NFYA: variants seen among roughly 807,000 people sequenced by gnomAD.
NFYA encodes nuclear transcription factor Y subunit alpha, also known as CAAT-box DNA binding protein subunit A.
Under a neutral mutation model 52.8 loss-of-function variants are expected in NFYA, and 28 were observed. That is an observed-to-expected ratio of 0.53 (90% CI 0.39 to 0.73). NFYA has a LOEUF of 0.73. NFYA is among the 30% of genes least tolerant of loss of function. The pLI is 0.00. For missense variants in NFYA, 234 were observed against 427.0 expected (o/e 0.55, Z 3.98); for synonymous variants, 150 against 150.7 (o/e 1.00, Z 0.03).
chr6:41,093,085 G>C lies in NFYA; in HGVS notation c.888G>C (p.Arg296Ser). 1 of 1,613,524 alleles carries C rather than the reference G, an allele frequency of 6.2e-7. No homozygotes were observed. Among genetic ancestry groups the C allele is most frequent in the Non-Finnish European group, 8.5e-7 (1 of 1,179,686 alleles). ...EAEGKIPKER[R>S]KYLHESRHRH... ...AAGGGAAAATTCCAAAGGAGAGAAG[G>C]GTATGTATAACATTGGGAAGGATAT... The change falls in exon 8 of 10, where the codon AGG (arginine) becomes AGC (serine). Residue 296 changes from arginine to serine, a missense_variant and splice_region_variant. By Grantham distance (110) the Arg-to-Ser change is moderately radical. Coordinates refer to ENST00000341376, the MANE Select transcript of NFYA (RefSeq NM_002505.5).
Position 41,091,671 on chromosome 6 carries a change from G to A in NFYA, c.691G>A (p.Val231Ile). Reference sequence around the variant, plus strand: ...GACACTACCAGTGGCAGGCAATGTGGTCAATTCAGGAGGGATGGTCATGGT... The same window carrying A: ...GACACTACCAGTGGCAGGCAATGTGATCAATTCAGGAGGGATGGTCATGGT... Reference protein sequence around the residue: ...TVTLPVAGNVVNSGGMVMMVP... With the variant: ...TVTLPVAGNVINSGGMVMMVP... Residue 231 changes from valine to isoleucine, a missense_variant, in exon 7 of 10, where the codon GTC becomes ATC. Coordinates refer to ENST00000341376, the MANE Select transcript of NFYA (RefSeq NM_002505.5). 1.9e-6 allele frequency: 3 copies of A among 1,614,154 alleles called. No homozygotes were observed. Among genetic ancestry groups the A allele is most frequent in the South Asian group, 1.1e-5 (1 of 91,078 alleles).
rs1447329373 is a variant in NFYA at position 41,084,140 on chromosome 6, A to G, written c.257A>G (p.Gln86Arg). Residue 86 changes from glutamine to arginine, a missense_variant, in exon 4 of 10, where the codon CAA becomes CGA. Transcript: ENST00000341376. The stretch of plus-strand genomic sequence containing the variant: ...ATGGTCCAGGCTGTCCCTGGTGGAC[A>G]AGGTCAAACCATCATGCAAGTACCT... ...PIMVQAVPGG[Q>R]GQTIMQVPVS... 3.7e-6 allele frequency: 6 copies of G among 1,614,194 alleles called. No homozygotes were observed. The Admixed American group carries it at 5.0e-5, about 13-fold the overall frequency.
intron 1 of NFYA, among the ~76,000 whole-genome samples, chr6:41,078,761 ATC>A (rs1561850331): frequency 1.3e-5 from 2 of 152,196 alleles, no homozygotes; most frequent in African/African-American, 4.8e-5. Context: ...CTTAACGAGT[ATC>A]TCTTAGGTGC....
intron 1 of NFYA, among the ~76,000 whole-genome samples, chr6:41,076,304 T>C (rs1044845142): frequency 9.8e-5 from 15 of 152,336 alleles, no homozygotes; most frequent in Admixed American, 9.2e-4. Context: ...AGGTAAATGC[T>C]GTTTCATGAA....
At position 41,097,400 on chromosome 6, in the gene NFYA, G is replaced by A. The variant is rs751419248; in HGVS notation, c.1034G>A (p.Arg345Gln). The change falls in exon 10 of 10, where the codon CGA becomes CAA. Residue 345 changes from arginine (R) to glutamine (Q), a missense_variant. Physicochemically the swap from Arg to Gln is conservative, Grantham distance 43. This residue lies in a region of NFYA where 35 missense variants were observed against 34.2 expected (regional missense o/e 1.02). Transcript: ENST00000341376. The stretch of plus-strand genomic sequence containing the variant: ...GAAGAAGCAATGACACAGATCATCC[G>A]AGTGTCCTAACCCCACGCCATGTGA... ...ADEEAMTQII[R>Q]VS 9.9e-6 allele frequency: 16 copies of A among 1,613,804 alleles called. No individual in the cohort carries two copies. The highest frequency in any genetic ancestry group is 1.3e-5 in the Non-Finnish European group (15 of 1,179,880).
chr6:41,097,143 C>T (rs1764380730), intron 9 of NFYA, among the ~76,000 whole-genome samples: 1 of 152,134 alleles, frequency 6.6e-6, no homozygotes, highest in Admixed American at 6.5e-5. Context: ...GAGTGCAGGC[C>T]AGACTTTAAA....
intron 8 of NFYA, among the ~76,000 whole-genome samples, chr6:41,093,491 G>C (rs1764252059): frequency 6.7e-6 from 1 of 149,532 alleles, no homozygotes; most frequent in Non-Finnish European, 1.5e-5. Flanking sequence ...TTTTTCCTGA[G>C]ACTCAGTCTT....
At chr6:41,080,014 T>C (rs1048871684) in intron 2 of NFYA, among the ~76,000 whole-genome samples, 1 of 152,216 alleles carries the variant, frequency 6.6e-6, no homozygotes, top group African/African-American at 2.4e-5. Flanking sequence ...GAGGAAGGGA[T>C]TCCACAAAGG....
intron 3 of NFYA, among the ~76,000 whole-genome samples, chr6:41,082,460 T>C (rs1763935564): frequency 6.6e-6 from 1 of 152,228 alleles, no homozygotes; most frequent in Non-Finnish European, 1.5e-5. Flanking sequence ...TTTTCTGTTG[T>C]AAATACAGTG....
chr6:41,094,537 T>G, intron 9 of NFYA, 40 bp downstream of exon 9: 1 of 1,510,316 alleles, frequency 6.6e-7, no homozygotes, highest in South Asian at 1.1e-5. Flanking sequence ...CTTTATTACC[T>G]TGTATTGACT....
rs765724500 is a variant in NFYA, at chr6:41,091,516, G to C, written c.548-12G>C. The C allele has an allele frequency of 6.2e-7, 1 of 1,612,126 alleles. No individual in the cohort carries two copies. The highest frequency in any genetic ancestry group is 8.5e-7 in the Non-Finnish European group (1 of 1,179,266). Reference sequence around the variant, plus strand: ...CTGTTTTTTGTTTGTTTTATGTTTTGTTTTCTTAAAGTTACAGTCCCTGTT... The same window carrying C: ...CTGTTTTTTGTTTGTTTTATGTTTTCTTTTCTTAAAGTTACAGTCCCTGTT... On this transcript the variant is annotated splice_polypyrimidine_tract_variant and intron_variant, in intron 6 of 9. Coordinates refer to ENST00000341376, the MANE Select transcript of NFYA (RefSeq NM_002505.5).
chr6:41,092,826 A>C (rs1040787619), intron 7 of NFYA, 86 bp from the exon 8 acceptor site: 2 of 1,445,812 alleles, frequency 1.4e-6, no homozygotes, highest in Admixed American at 4.6e-5. Flanking sequence ...GGCATTTACA[A>C]AAAAAATGGA....
At chr6:41,081,477 G>A (rs867850745) in intron 3 of NFYA, among the ~76,000 whole-genome samples, 26 of 149,188 alleles carry the variant, frequency 1.7e-4, no homozygotes, top group Admixed American at 1.2e-3. Context: ...GTGACAGAGC[G>A]AGACTCCGTC....
intron 1 of NFYA, among the ~76,000 whole-genome samples, chr6:41,076,035 A>G (rs1052557311): frequency 1.3e-5 from 2 of 152,224 alleles, no homozygotes; most frequent in African/African-American, 4.8e-5. Flanking sequence ...TCTTTCATCA[A>G]GCGTCTATCA....
rs553390387 is a variant in NFYA at position 41,102,369 on chromosome 6, T to G, written c.*4959T>G. Among the ~76,000 whole-genome samples, 96 of 152,332 alleles carry G rather than the reference T, an allele frequency of 6.3e-4. No individual in the cohort carries two copies. The highest frequency in any genetic ancestry group is 3.4e-3 in the Middle Eastern group (1 of 294). The stretch of plus-strand genomic sequence containing the variant: ...CTAATTTCCTTTGCACATTTGTATT[T>G]TATTTCAAAATAAAGTATTCTCTTC... On this transcript the variant is annotated 3_prime_UTR_variant, in exon 10 of 10. Coordinates refer to ENST00000341376, the MANE Select transcript of NFYA (RefSeq NM_002505.5).
At chr6:41,091,944 G>A (rs1221479443) in intron 7 of NFYA, among the ~76,000 whole-genome samples, 1 of 152,064 alleles carries the variant, frequency 6.6e-6, no homozygotes, top group Admixed American at 6.5e-5. Context: ...GTGATTTTAT[G>A]GAATTCTTTT....
At chr6:41,084,282 A>G in intron 4 of NFYA, 90 bp downstream of exon 4, 1 of 1,422,254 alleles carries the variant, frequency 7.0e-7, no homozygotes, top group Non-Finnish European at 9.5e-7. Context: ...TTGATATTGC[A>G]TTTAACTGCT....
chr6:41,078,207 G>C (rs1367493925), intron 1 of NFYA, among the ~76,000 whole-genome samples: 2 of 152,076 alleles, frequency 1.3e-5, no homozygotes, highest in Non-Finnish European at 2.9e-5. Context: ...CTAAGTACTT[G>C]GACATATAGT....
rs1375271575 is a variant in NFYA, at chr6:41,100,869, A to C, written c.*3459A>C. Among the ~76,000 whole-genome samples, 1 of 152,196 alleles carries C rather than the reference A, an allele frequency of 6.6e-6. No individual in the cohort carries two copies. Among genetic ancestry groups the C allele is most frequent in the Non-Finnish European group, 1.5e-5 (1 of 68,034 alleles). Reference sequence around the variant, plus strand: ...AAGTAGGCCCCGCTAAGAATGTGGGAAGGTGGTGGGGCGGCGACTGAAGTC... The same window carrying C: ...AAGTAGGCCCCGCTAAGAATGTGGGCAGGTGGTGGGGCGGCGACTGAAGTC... On this transcript the variant is annotated 3_prime_UTR_variant, in exon 10 of 10. Coordinates refer to ENST00000341376, the MANE Select transcript of NFYA (RefSeq NM_002505.5).
Sources: allele counts gnomAD v4.1 joint callset (sites outside exome capture counted in the v4.1 genomes callset), GRCh38; gene constraint gnomAD v4.1.1; regional missense constraint gnomAD v4.1.1; transcripts MANE v1.5; gene names NCBI Gene and HGNC (gene_info 2026-07-23, HGNC 2026-07-21).